The following LRRK2 variants were observed in gnomAD, a reference collection of about 807,000 sequenced individuals.
The protein encoded by LRRK2 is leucine-rich repeat serine/threonine-protein kinase 2.
LRRK2 carries 203 observed loss-of-function variants against 302.6 expected under a neutral mutation model. That is an observed-to-expected ratio of 0.67 (90% CI 0.60 to 0.75). The LOEUF is 0.75. LRRK2 is among the 30% of genes least tolerant of loss of function. The probability of loss-of-function intolerance (pLI) is 0.00; values close to 1 mark genes in which losing one functional copy is unlikely to be tolerated. For missense variants in LRRK2, 2,830 were observed against 2,951.0 expected, an observed-to-expected ratio of 0.96 and a Z score of 0.95; for synonymous variants, 1,066 against 1,031.9, an observed-to-expected ratio of 1.03 and a Z score of -0.63.
At chr12:40,348,022 A>G (rs1946244765) in intron 42 of LRRK2, among the ~76,000 whole-genome samples, 1 of 152,156 alleles carries the variant, frequency 6.6e-6, no homozygotes, top group African/African-American at 2.4e-5. Flanking sequence ...ATAAAAAACA[A>G]ATGTGCACAA....
Position 40,368,451 on chromosome 12 carries a change from A to G in LRRK2, c.*686A>G, listed in dbSNP as rs1345916772. Reference sequence around the variant, plus strand: ...GACACAGAAACTCTCTTTGTCACAGAAACTCTCTGTGTCTTTCCTAGACAT... The same window carrying G: ...GACACAGAAACTCTCTTTGTCACAGGAACTCTCTGTGTCTTTCCTAGACAT... On this transcript the variant is annotated 3_prime_UTR_variant, in exon 51 of 51. Transcript: ENST00000298910. 6.6e-6 allele frequency: 1 copy of G among 151,852 alleles called. No homozygotes were observed. The highest frequency in any genetic ancestry group is 1.5e-5 in the Non-Finnish European group (1 of 67,732). 9.4% of individuals were successfully genotyped at this position (151,852 alleles called of 1,614,324 possible).
At chr12:40,226,995 G>A (rs1298591168) in intron 2 of LRRK2, among the ~76,000 whole-genome samples, 5 of 152,056 alleles carry the variant, frequency 3.3e-5, no homozygotes, top group Non-Finnish European at 7.4e-5. Flanking sequence ...ATAAGGCAGT[G>A]CTATACTTGA....
chr12:40,287,711 A>G (rs926406239), intron 20 of LRRK2, among the ~76,000 whole-genome samples, 172 bp downstream of exon 20: 1 of 151,918 alleles, frequency 6.6e-6, no homozygotes, highest in Non-Finnish European at 1.5e-5. Flanking sequence ...TGGGTCAAGG[A>G]AGTGTGTCTC....
At chr12:40,237,838 CAA>C in intron 4 of LRRK2, 129 bp from the exon 5 acceptor site, 1 of 969,344 alleles carries the variant, frequency 1.0e-6, no homozygotes, top group East Asian at 2.4e-5. Context: ...AACAAACAAA[CAA>C]ACAAACAAGA....
rs189554934 is a variant in LRRK2 at position 40,259,711 on chromosome 12, G to A, written c.1543+107G>A. On this transcript the variant is annotated intron_variant, in intron 13 of 50. Transcript: ENST00000298910. ...AAATATTAAAAGACTAGTTTCTGTC[G>A]ACTAAATGTAAATCTTTCTGTTAAA... 1,300 of 1,395,050 alleles carry A rather than the reference G, an allele frequency of 9.3e-4. 2 individuals are homozygous for A. The highest frequency in any genetic ancestry group is 1.2e-3 in the Non-Finnish European group (1,208 of 999,436). 86.4% of individuals were successfully genotyped at this position (1,395,050 alleles called of 1,614,324 possible).
intron 43 of LRRK2, among the ~76,000 whole-genome samples, chr12:40,349,175 T>G (rs986576785): frequency 1.3e-5 from 2 of 152,218 alleles, no homozygotes; most frequent in African/African-American, 4.8e-5. Context: ...GCTTCTCCCC[T>G]TTTGTCCCAT....
intron 38 of LRRK2, among the ~76,000 whole-genome samples, chr12:40,325,259 C>T (rs1945509896): frequency 6.6e-6 from 1 of 152,180 alleles, no homozygotes; most frequent in Admixed American, 6.5e-5. Flanking sequence ...TGCACTCCAG[C>T]CTAGGCGACA....
At chr12:40,288,995 T>G (rs1460462666) in intron 20 of LRRK2, among the ~76,000 whole-genome samples, 2 of 152,020 alleles carry the variant, frequency 1.3e-5, no homozygotes, top group Admixed American at 1.3e-4. Flanking sequence ...AGCCTAAATT[T>G]GTGAATATTT....
At chr12:40,233,402 T>G (rs1222607428) in intron 3 of LRRK2, among the ~76,000 whole-genome samples, 1 of 152,218 alleles carries the variant, frequency 6.6e-6, no homozygotes, top group Non-Finnish European at 1.5e-5. Context: ...TGTCAAGTAG[T>G]GCTATAAATT....
chr12:40,289,456 C>T (rs1466032852), intron 20 of LRRK2, among the ~76,000 whole-genome samples: 1 of 150,042 alleles, frequency 6.7e-6, no homozygotes, highest in Admixed American at 6.7e-5. Context: ...TAATTAAGTC[C>T]ATATTTAGAT....
In LRRK2 at chr12:40,249,960, TA is replaced by T. The variant is rs1942180072; in HGVS notation, c.958+20del. 6.2e-7 allele frequency: 1 copy of T among 1,613,184 alleles called. No individual in the cohort carries two copies. The highest frequency in any genetic ancestry group is 2.2e-5 in the East Asian group (1 of 44,832). Reference sequence around the variant, plus strand: ...GGCCCTCCTCAGTAAGTAACTTCACTAAAAAGGGGATTCTTACAGAGGCATT... The same window carrying T: ...GGCCCTCCTCAGTAAGTAACTTCACTAAAAGGGGATTCTTACAGAGGCATT... On this transcript the variant is annotated intron_variant, in intron 8 of 50. Coordinates refer to ENST00000298910, the MANE Select transcript of LRRK2 (RefSeq NM_198578.4).
In LRRK2 at chr12:40,359,248, T is replaced by TA. The variant is rs1351010713; in HGVS notation, c.6844-12_6844-11insA. 1 of 1,609,190 alleles carries TA rather than the reference T, an allele frequency of 6.2e-7. No individual in the cohort carries two copies. The highest frequency in any genetic ancestry group is 8.5e-7 in the Non-Finnish European group (1 of 1,177,936). Reference sequence around the variant, plus strand: ...AATTTGCTGAGTGTGTTTTCTTTTTTTTTTGGCAAAGCTTAAAGGAGCTGC... The same window carrying TA: ...AATTTGCTGAGTGTGTTTTCTTTTTTATTTTGGCAAAGCTTAAAGGAGCTGC... On this transcript the variant is annotated splice_polypyrimidine_tract_variant and intron_variant, in intron 46 of 50. Transcript: ENST00000298910.
intron 47 of LRRK2, among the ~76,000 whole-genome samples, chr12:40,362,421 A>G (rs1343959194): frequency 1.3e-5 from 2 of 152,028 alleles, no homozygotes; most frequent in Non-Finnish European, 2.9e-5. Flanking sequence ...GCCTTCTTCT[A>G]TTCCCCCACT....
intron 11 of LRRK2, among the ~76,000 whole-genome samples, chr12:40,253,552 A>G (rs973424587): frequency 3.3e-5 from 5 of 152,036 alleles, no homozygotes; most frequent in African/African-American, 1.2e-4. Context: ...TACCTGGCTA[A>G]TTTTTTGCAG....
chr12:40,332,837 A>G (rs1460384457), intron 39 of LRRK2, among the ~76,000 whole-genome samples: 1 of 152,008 alleles, frequency 6.6e-6, no homozygotes, highest in East Asian at 1.9e-4. Context: ...TTGGGGAGCT[A>G]TGGTGGAAAT....
intron 43 of LRRK2, among the ~76,000 whole-genome samples, chr12:40,349,117 C>CT (rs1316796172): frequency 6.6e-6 from 1 of 152,104 alleles, no homozygotes; most frequent in Non-Finnish European, 1.5e-5. Context: ...TATCCCATTC[C>CT]TTTTTTTAAT....
At chr12:40,285,206 C>T (rs892904066) in intron 19 of LRRK2, among the ~76,000 whole-genome samples, 4 of 152,140 alleles carry the variant, frequency 2.6e-5, no homozygotes, top group Non-Finnish European at 5.9e-5. Flanking sequence ...GGAAGGTTCT[C>T]TTACATGACC....
At chr12:40,314,850 G>C (rs780723611) in intron 32 of LRRK2, among the ~76,000 whole-genome samples, 1 of 151,876 alleles carries the variant, frequency 6.6e-6, no homozygotes, top group Non-Finnish European at 1.5e-5. Flanking sequence ...CGTTCTTAAG[G>C]TATGCTGAGA....
intron 14 of LRRK2, among the ~76,000 whole-genome samples, chr12:40,265,709 A>C (rs1294304650): frequency 6.6e-6 from 1 of 152,196 alleles, no homozygotes; most frequent in Non-Finnish European, 1.5e-5. Flanking sequence ...GGACAAGGAA[A>C]ATCAAAATGT....
Sources: allele counts gnomAD v4.1 joint callset (sites outside exome capture counted in the v4.1 genomes callset), GRCh38; gene constraint gnomAD v4.1.1; transcripts MANE v1.5; gene names NCBI Gene and HGNC (gene_info 2026-07-23, HGNC 2026-07-21).